Variants in DMTF1 observed in about 807,000 individuals in gnomAD.
DMTF1 encodes the protein cyclin D binding myb like transcription factor 1, also known as cyclin-D-binding Myb-like transcription factor 1.
In DMTF1, 39 loss-of-function variants were observed where a neutral mutation model predicts 91.1. The observed-to-expected ratio is 0.43, with a 90% CI of 0.33 to 0.56. DMTF1 has a LOEUF of 0.56. DMTF1 is among the 20% of genes least tolerant of loss of function. The probability of loss-of-function intolerance (pLI) is 0.05; values close to 1 mark genes in which losing one functional copy is unlikely to be tolerated. For missense variants in DMTF1, 750 were observed against 914.5 expected (o/e 0.82, Z 2.32); for synonymous variants, 338 against 309.5 (o/e 1.09, Z -0.97).
intron 1 of DMTF1, among the ~76,000 whole-genome samples, chr7:87,156,470 T>A (rs564005341): frequency 6.6e-6 from 1 of 152,266 alleles, no homozygotes; most frequent in Non-Finnish European, 1.5e-5. Context: ...TGAATATGCC[T>A]TATGTTCATT....
rs1275199358 is a variant in DMTF1 at position 87,195,272 on chromosome 7, CATTGTTGCTGCT to C, written c.*135_*146del. 8.0e-6 allele frequency: 5 copies of C among 627,096 alleles called. No homozygotes were observed. In the African/African-American group the frequency reaches 9.3e-5, roughly 12 times the overall value. 38.8% of individuals were successfully genotyped at this position (627,096 alleles called of 1,614,324 possible). ...ATAGCCACAGTCCTTAAGCCACACACATTGTTGCTGCTATGACTTTTTACCTCCTTTAAACAC... is the reference window on the plus strand; with the variant it reads ...ATAGCCACAGTCCTTAAGCCACACACATGACTTTTTACCTCCTTTAAACAC... On this transcript the variant is annotated 3_prime_UTR_variant, in exon 18 of 18. Coordinates refer to ENST00000331242, the MANE Select transcript of DMTF1 (RefSeq NM_001142327.2).
intron 13 of DMTF1, among the ~76,000 whole-genome samples, chr7:87,189,380 G>T (rs867306903): frequency 6.6e-6 from 1 of 151,918 alleles, no homozygotes; most frequent in Non-Finnish European, 1.5e-5. Flanking sequence ...ATTTCTTTTC[G>T]TTTTTGTTAC....
At position 87,195,114 on chromosome 7, in the gene DMTF1, G is replaced by A. The variant is rs917457116; in HGVS notation, c.2257G>A (p.Val753Ile). 10 of 1,611,406 alleles carry A rather than the reference G, an allele frequency of 6.2e-6. No individual in the cohort carries two copies. In the African/African-American group the frequency reaches 1.3e-4, roughly 22 times the overall value. Residue 753 changes from valine (V) to isoleucine (I), a missense_variant, in exon 18 of 18, where the codon GTC becomes ATC. Transcript: ENST00000331242. ...GSPVSEDSKD[V>I]EDLVNCH ...TCCTGTTTCAGAAGATTCAAAGGAT[G>A]TCGAAGATTTGGTAAACTGTCATTA...
Position 87,195,965 on chromosome 7 carries a change from C to A in DMTF1, c.*825C>A, listed in dbSNP as rs145596626. On this transcript the variant is annotated 3_prime_UTR_variant, in exon 18 of 18. Transcript: ENST00000331242. ...AATTACCGAGAGAATAGTTTGTCAT[C>A]CACTTAGTGTGTTAGCTGGTGGGGT... The A allele has an allele frequency of 1.3e-5, 2 of 152,140 alleles. No individual in the cohort carries two copies. Among genetic ancestry groups the A allele is most frequent in the East Asian group, 3.9e-4 (2 of 5,192 alleles). 9.4% of individuals were successfully genotyped at this position (152,140 alleles called of 1,614,324 possible).
chr7:87,185,953 G>T lies in DMTF1; in HGVS notation c.1174G>T (p.Ala392Ser), dbSNP rs1798309671. The change falls in exon 12 of 18, where the codon GCA becomes TCA. Residue 392 changes from alanine to serine, a missense_variant. By Grantham distance (99) the Ala-to-Ser change is moderately conservative (BLOSUM62 1). Coordinates refer to ENST00000331242, the MANE Select transcript of DMTF1 (RefSeq NM_001142327.2). ...SKWWTIKRQI[A>S]NHKDVSFPVL... ...ATGGTGGACCATCAAAAGGCAAATTGCAAACCATAAGGATGTTTCGTTCCC... is the reference window on the plus strand; with the variant it reads ...ATGGTGGACCATCAAAAGGCAAATTTCAAACCATAAGGATGTTTCGTTCCC... 6.2e-7 allele frequency: 1 copy of T among 1,613,796 alleles called. No homozygotes were observed. The highest frequency in any genetic ancestry group is 2.2e-5 in the East Asian group (1 of 44,858).
At chr7:87,186,121 T>A in intron 12 of DMTF1, 141 bp downstream of exon 12, 1 of 869,848 alleles carries the variant, frequency 1.1e-6, no homozygotes, top group Non-Finnish European at 1.8e-6. Context: ...TTTCTCTCAG[T>A]AATTGTTTCC....
intron 5 of DMTF1, 72 bp from the exon 6 acceptor site, chr7:87,173,463 T>C: frequency 1.1e-6 from 1 of 872,344 alleles, no homozygotes. Flanking sequence ...ATGAATCCGG[T>C]TGAGCATTAA....
At chr7:87,176,709 T>C (rs1237828955) in intron 7 of DMTF1, among the ~76,000 whole-genome samples, 1 of 152,134 alleles carries the variant, frequency 6.6e-6, no homozygotes, top group Non-Finnish European at 1.5e-5. Flanking sequence ...AGAATGATGA[T>C]CAGATTGGCA....
intron 4 of DMTF1, among the ~76,000 whole-genome samples, chr7:87,168,688 G>C (rs966956325): frequency 6.6e-6 from 1 of 152,042 alleles, no homozygotes. Flanking sequence ...TACCAGTGCA[G>C]CTAATTGAAA....
At chr7:87,183,449 C>G (rs1349542904) in intron 10 of DMTF1, among the ~76,000 whole-genome samples, 1 of 152,174 alleles carries the variant, frequency 6.6e-6, no homozygotes, top group African/African-American at 2.4e-5. Flanking sequence ...TTGTGACATA[C>G]AGCTGCTGAT....
Position 87,191,027 on chromosome 7 carries a change from C to A in DMTF1, c.1494C>A (p.Pro498=), listed in dbSNP as rs147277883. ...SGTLQTFEIL[P]SFHLQPTGTP... Reference sequence around the variant, plus strand: ...CACTACAGACATTTGAGATTCTTCCCGTGAGTAACGCTTCATATATATTGG... The same window carrying A: ...CACTACAGACATTTGAGATTCTTCCAGTGAGTAACGCTTCATATATATTGG... Residue 498 remains proline, a splice_region_variant and synonymous_variant, in exon 14 of 18, where the codon CCC becomes CCA. Coordinates refer to ENST00000331242, the MANE Select transcript of DMTF1 (RefSeq NM_001142327.2). The A allele has an allele frequency of 1.3e-6, 2 of 1,580,892 alleles. No individual in the cohort carries two copies. Among genetic ancestry groups the A allele is most frequent in the African/African-American group, 1.4e-5 (1 of 73,894 alleles).
chr7:87,177,712 A>G (rs971678960), intron 7 of DMTF1, among the ~76,000 whole-genome samples: 2 of 152,168 alleles, frequency 1.3e-5, no homozygotes, highest in African/African-American at 4.8e-5. Context: ...TTATCTTGTA[A>G]AAGTTTTATA....
chr7:87,175,506 AGT>A (rs1030214110), intron 7 of DMTF1, among the ~76,000 whole-genome samples: 2 of 152,244 alleles, frequency 1.3e-5, no homozygotes, highest in Non-Finnish European at 2.9e-5. Flanking sequence ...TTGCTTTAAC[AGT>A]GTTTGCTTTT....
chr7:87,161,353 T>C (rs1036126138), intron 1 of DMTF1, among the ~76,000 whole-genome samples: 1 of 152,022 alleles, frequency 6.6e-6, no homozygotes, highest in Non-Finnish European at 1.5e-5. Context: ...TACCAAAAAA[T>C]TAGCTGGGCA....
intron 7 of DMTF1, among the ~76,000 whole-genome samples, 191 bp from the exon 8 acceptor site, chr7:87,179,354 C>A (rs549784915): frequency 6.6e-6 from 1 of 152,142 alleles, no homozygotes; most frequent in Non-Finnish European, 1.5e-5. Flanking sequence ...ATTCTTGGAA[C>A]ATTTAAGTGT....
chr7:87,163,537 A>G lies in DMTF1; in HGVS notation c.-89A>G, dbSNP rs761907656. On this transcript the variant is annotated 5_prime_UTR_variant, in exon 2 of 18. The change abolishes the stop of an existing upstream ORF in the 5' untranslated region. Transcript: ENST00000331242. ...AACATGGGAGAGAAACAATCTGGGT[A>G]ACATGAAAGTGATGCTGGTTGCTAA... 3.9e-5 allele frequency: 6 copies of G among 152,256 alleles called. No individual in the cohort carries two copies. The highest frequency in any genetic ancestry group is 7.3e-5 in the Non-Finnish European group (5 of 68,064). The allele number at this position is 152,256 out of a possible 1,614,324, so 9.4% of individuals were successfully genotyped here. A position where few individuals can be genotyped will look rare whatever the true frequency, so the allele number is the denominator to read the frequency against.
chr7:87,165,286 T>C (rs1463206206), intron 3 of DMTF1, among the ~76,000 whole-genome samples: 1 of 152,094 alleles, frequency 6.6e-6, no homozygotes, highest in Non-Finnish European at 1.5e-5. Flanking sequence ...TATATACTTC[T>C]TTTTTTATAC....
intron 1 of DMTF1, among the ~76,000 whole-genome samples, chr7:87,158,325 T>C (rs1392326392): frequency 1.3e-5 from 2 of 152,014 alleles, no homozygotes; most frequent in Non-Finnish European, 2.9e-5. Flanking sequence ...TACTCAGTCT[T>C]ATTAAAACCA....
intron 4 of DMTF1, among the ~76,000 whole-genome samples, chr7:87,169,390 T>C (rs1794589718): frequency 6.6e-6 from 1 of 152,036 alleles, no homozygotes; most frequent in Non-Finnish European, 1.5e-5. Flanking sequence ...GCCTGGGAGG[T>C]TGAGGCTGCA....
Sources: gnomAD v4.1 joint callset for allele counts (sites outside exome capture counted in the v4.1 genomes callset) on GRCh38, gnomAD v4.1.1 for gene constraint, MANE v1.5 for transcripts, NCBI Gene and HGNC (gene_info 2026-07-23, HGNC 2026-07-21) for gene names.